Variants in SYT16 observed in about 807,000 individuals in gnomAD.
SYT16 encodes the protein synaptotagmin 16.
SYT16 carries 42 observed loss-of-function variants against 61.4 expected under a neutral mutation model. The observed-to-expected ratio is 0.68, with a 90% CI of 0.53 to 0.89. The LOEUF is 0.89. SYT16 is among the 40% of genes least tolerant of loss of function. The pLI, the probability that SYT16 is intolerant of heterozygous loss-of-function variation, is 0.00. For missense variants in SYT16, 804 were observed against 807.3 expected (o/e 1.00, Z 0.05); for synonymous variants, 314 against 302.3 (o/e 1.04, Z -0.40).
intron 3 of SYT16, among the ~76,000 whole-genome samples, chr14:62,053,035 C>T (rs1442288553): frequency 6.6e-6 from 1 of 152,024 alleles, no homozygotes; most frequent in African/African-American, 2.4e-5. Flanking sequence ...TGGGTAGAGG[C>T]TGGAAGGGTT....
intron 1 of SYT16, among the ~76,000 whole-genome samples, chr14:61,918,868 G>A (rs753840436): frequency 8.5e-5 from 13 of 152,142 alleles, no homozygotes; most frequent in Non-Finnish European, 1.8e-4. Flanking sequence ...AGTGTTGCAA[G>A]CATGTAGGCA....
intron 7 of SYT16, among the ~76,000 whole-genome samples, chr14:62,085,728 A>T (rs1469714531): frequency 2.6e-5 from 4 of 152,220 alleles, no homozygotes; most frequent in Non-Finnish European, 5.9e-5. Context: ...CACTTTGGAT[A>T]ACAGAATAGA....
intron 1 of SYT16, chr14:61,865,099 T>C: frequency 1.5e-6 from 2 of 1,350,322 alleles, no homozygotes; most frequent in Non-Finnish European, 2.1e-6. Flanking sequence ...CTGTGACTCA[T>C]CTGCTGGACT....
chr14:62,015,080 C>T (rs2053615720), intron 3 of SYT16, among the ~76,000 whole-genome samples: 1 of 152,162 alleles, frequency 6.6e-6, no homozygotes, highest in Non-Finnish European at 1.5e-5. Context: ...CTGCACATTC[C>T]CTCTCCCTGC....
intron 7 of SYT16, among the ~76,000 whole-genome samples, chr14:62,087,194 T>C (rs1409109010): frequency 6.6e-6 from 1 of 151,914 alleles, no homozygotes; most frequent in African/African-American, 2.4e-5. Context: ...GGGACACGAG[T>C]TTTATGAGGT....
intron 1 of SYT16, among the ~76,000 whole-genome samples, chr14:61,833,102 G>C (rs1446975153): frequency 1.3e-5 from 2 of 152,034 alleles, no homozygotes; most frequent in African/African-American, 2.4e-5. Flanking sequence ...TTCAATCTCT[G>C]TCTGTAAGGA....
At chr14:62,020,758 C>T (rs905832718) in intron 3 of SYT16, among the ~76,000 whole-genome samples, 2 of 152,138 alleles carry the variant, frequency 1.3e-5, no homozygotes, top group East Asian at 1.9e-4. Flanking sequence ...GATTTCTAAG[C>T]GAGCATAACC....
At chr14:62,077,874 G>T (rs2056551625) in intron 5 of SYT16, among the ~76,000 whole-genome samples, 1 of 152,140 alleles carries the variant, frequency 6.6e-6, no homozygotes, top group African/African-American at 2.4e-5. Flanking sequence ...CTCTACCCAG[G>T]ACTCTCTTAG....
At chr14:61,987,052 T>A (rs1447654522) in intron 2 of SYT16, among the ~76,000 whole-genome samples, 1 of 152,116 alleles carries the variant, frequency 6.6e-6, no homozygotes, top group African/African-American at 2.4e-5. Context: ...TAAGTGTTAA[T>A]AAGAAATAAG....
chr14:62,046,938 C>T (rs1233618339), intron 3 of SYT16, among the ~76,000 whole-genome samples: 1 of 152,170 alleles, frequency 6.6e-6, no homozygotes, highest in Non-Finnish European at 1.5e-5. Flanking sequence ...GCAATGCGGG[C>T]TCTTTTTTGG....
At chr14:61,987,862 A>G (rs535364782) in intron 2 of SYT16, among the ~76,000 whole-genome samples, 2 of 152,184 alleles carry the variant, frequency 1.3e-5, no homozygotes, top group South Asian at 2.1e-4. Flanking sequence ...ATCTATCTCA[A>G]GAGGGTTACA....
chr14:62,045,012 C>A (rs1299568755), intron 3 of SYT16, among the ~76,000 whole-genome samples: 1 of 152,186 alleles, frequency 6.6e-6, no homozygotes, highest in Admixed American at 6.5e-5. Flanking sequence ...GTGGCACGCA[C>A]CTGTAATCCT....
chr14:62,043,223 C>T (rs756663188), intron 3 of SYT16, among the ~76,000 whole-genome samples: 8 of 151,906 alleles, frequency 5.3e-5, no homozygotes, highest in Admixed American at 1.3e-4. Context: ...AGTACCCCCT[C>T]AGAAGGAAGT....
intron 3 of SYT16, among the ~76,000 whole-genome samples, chr14:62,039,467 A>G (rs950430093): frequency 3.3e-4 from 50 of 152,346 alleles, no homozygotes; most frequent in African/African-American, 1.2e-3. Context: ...AGAGGGTAGC[A>G]TTAGCTATGT....
chr14:62,000,604 C>G (rs1340978934), intron 3 of SYT16, among the ~76,000 whole-genome samples: 1 of 151,496 alleles, frequency 6.6e-6, no homozygotes, highest in Non-Finnish European at 1.5e-5. Context: ...TTGTTTGTTC[C>G]ATCTGTTCTT....
intron 4 of SYT16, 120 bp from the exon 5 acceptor site, chr14:62,075,012 GTAT>G (rs2056431394): frequency 1.0e-6 from 1 of 1,004,060 alleles, no homozygotes; most frequent in Non-Finnish European, 1.4e-6. Flanking sequence ...GTTTCTGCAG[GTAT>G]TATTGGTATG....
chr14:62,046,831 G>A (rs922973043), intron 3 of SYT16, among the ~76,000 whole-genome samples: 1 of 152,208 alleles, frequency 6.6e-6, no homozygotes, highest in African/African-American at 2.4e-5. Context: ...TTTGGTACCA[G>A]TACCATGCTG....
intron 7 of SYT16, among the ~76,000 whole-genome samples, chr14:62,084,879 T>G (rs2056834661): frequency 6.6e-6 from 1 of 152,204 alleles, no homozygotes; most frequent in Non-Finnish European, 1.5e-5. Context: ...ATGGAGTTGT[T>G]TTGGAGTTTA....
intron 3 of SYT16, among the ~76,000 whole-genome samples, chr14:62,046,989 A>T (rs888735119): frequency 3.3e-5 from 5 of 152,230 alleles, no homozygotes; most frequent in African/African-American, 1.2e-4. Flanking sequence ...AATTCTGTGA[A>T]GAAAGTCATT....
Sources: allele counts gnomAD v4.1 joint callset (sites outside exome capture counted in the v4.1 genomes callset), GRCh38; gene constraint gnomAD v4.1.1; transcripts MANE v1.5; gene names NCBI Gene and HGNC (gene_info 2026-07-23, HGNC 2026-07-21).